Variants in FBXL13 observed in about 807,000 individuals in gnomAD.
FBXL13 encodes F-box and leucine rich repeat protein 13, also known as F-box and leucine-rich repeat protein 13.
Under a neutral mutation model 83.6 loss-of-function variants are expected in FBXL13, and 67 were observed. The observed-to-expected ratio is 0.80, with a 90% CI of 0.66 to 0.98. The LOEUF is 0.98. FBXL13 is among the 50% of genes least tolerant of loss of function. The pLI, the probability that FBXL13 is intolerant of heterozygous loss-of-function variation, is 0.00. For synonymous variants in FBXL13, 272 were observed against 299.5 expected (o/e 0.91, Z 0.95); for missense variants, 822 against 866.5 (o/e 0.95, Z 0.64).
intron 6 of FBXL13, among the ~76,000 whole-genome samples, chr7:103,020,433 C>G (rs1219862523): frequency 6.6e-6 from 1 of 152,202 alleles, no homozygotes; most frequent in African/African-American, 2.4e-5. Context: ...GATGTCCTCT[C>G]TCACCACTCC....
chr7:102,905,187 C>G (rs892434700), intron 11 of FBXL13, among the ~76,000 whole-genome samples: 2 of 151,144 alleles, frequency 1.3e-5, no homozygotes, highest in Non-Finnish European at 3.0e-5. Flanking sequence ...TCTGGAAGAT[C>G]TGTCCAATGC....
chr7:102,833,317 G>A (rs1313132565), intron 17 of FBXL13, among the ~76,000 whole-genome samples: 1 of 152,150 alleles, frequency 6.6e-6, no homozygotes, highest in African/African-American at 2.4e-5. Context: ...AAGATTGACA[G>A]TGGAATGTAA....
At chr7:102,881,934 T>C (rs898935199) in intron 14 of FBXL13, among the ~76,000 whole-genome samples, 11 of 152,094 alleles carry the variant, frequency 7.2e-5, no homozygotes, top group African/African-American at 2.7e-4. Flanking sequence ...CCATGCTGCC[T>C]CCCCATTTTA....
At position 102,956,179 on chromosome 7, in the gene FBXL13, T is replaced by A. The variant is rs561718063; in HGVS notation, c.724+7354A>T. On this transcript the variant is annotated intron_variant, in intron 8 of 19. Transcript: ENST00000313221. ...ATCCAGCAGCACATCAAAAAGCTTATCCACCACAATCAAGTTGGCTTCATC... is the reference window on the plus strand; with the variant it reads ...ATCCAGCAGCACATCAAAAAGCTTAACCACCACAATCAAGTTGGCTTCATC... 3.8e-4 allele frequency among the ~76,000 whole-genome samples: 58 copies of A among 152,228 alleles called. 2 individuals carry two copies. Among genetic ancestry groups the A allele is most frequent in the Non-Finnish European group, 6.8e-4 (46 of 68,016 alleles).
intron 2 of FBXL13, chr7:103,055,160 T>C (rs1797216514): frequency 7.8e-7 from 1 of 1,288,854 alleles, no homozygotes; most frequent in Non-Finnish European, 1.0e-6. Flanking sequence ...GTTTCATTGA[T>C]GGAGTAATGC....
At chr7:102,895,267 T>G (rs1312935589) in intron 11 of FBXL13, among the ~76,000 whole-genome samples, 63 of 152,216 alleles carry the variant, frequency 4.1e-4, no homozygotes, top group Non-Finnish European at 1.0e-4. Flanking sequence ...AAGTGCAAGT[T>G]AATGTGGTGA....
chr7:102,983,928 G>T (rs909542209), intron 6 of FBXL13, among the ~76,000 whole-genome samples: 1 of 152,154 alleles, frequency 6.6e-6, no homozygotes, highest in Admixed American at 6.5e-5. Flanking sequence ...TACTTGAGCT[G>T]GAAATTTGAA....
intron 6 of FBXL13, among the ~76,000 whole-genome samples, chr7:103,003,278 GTTTTT>G (rs563726626): frequency 9.2e-5 from 7 of 75,926 alleles, no homozygotes; most frequent in African/African-American, 3.9e-4. Flanking sequence ...TTGTTTTGGG[GTTTTT>G]TTTTTTTTTT....
At chr7:103,063,033 C>A (rs556515004) in intron 1 of FBXL13, among the ~76,000 whole-genome samples, 1 of 152,308 alleles carries the variant, frequency 6.6e-6, no homozygotes, top group Admixed American at 6.5e-5. Flanking sequence ...AATTAAGTTA[C>A]TTGTTTAACT....
At chr7:102,822,354 G>C in intron 18 of FBXL13, 151 bp from the exon 20 acceptor site, 1 of 789,160 alleles carries the variant, frequency 1.3e-6, no homozygotes. Flanking sequence ...AGGCTGGGAA[G>C]TCCAAGACTG....
chr7:103,056,236 A>C (rs1354287387), intron 1 of FBXL13, among the ~76,000 whole-genome samples: 1 of 152,148 alleles, frequency 6.6e-6, no homozygotes, highest in Non-Finnish European at 1.5e-5. Context: ...TGTGATATAT[A>C]TATCTCACAA....
chr7:102,835,305 G>GGA (rs201881123), intron 17 of FBXL13, among the ~76,000 whole-genome samples: 19,724 of 152,108 alleles, frequency 0.13, 1,348 homozygotes, highest in Middle Eastern at 0.25. Flanking sequence ...ACCTGTCACT[G>GGA]GAGATAATCA....
chr7:102,960,487 G>A (rs1420236538), intron 8 of FBXL13, among the ~76,000 whole-genome samples: 1 of 151,662 alleles, frequency 6.6e-6, no homozygotes, highest in East Asian at 1.9e-4. Context: ...CATTTTATGA[G>A]GCCAGCATCA....
At position 102,939,234 on chromosome 7, in the gene FBXL13, G is replaced by A. The variant is rs1352650244; in HGVS notation, c.725-7301C>T. The stretch of plus-strand genomic sequence containing the variant: ...GGCTTTCATCACAATTAGATGGGAA[G>A]TCACTGTAGGCTTTGCTGGGCTTTG... On this transcript the variant is annotated intron_variant, in intron 8 of 19. Coordinates refer to ENST00000313221, the Ensembl canonical transcript of FBXL13. Among the ~76,000 whole-genome samples the A allele has an allele frequency of 1.3e-5, 2 of 152,200 alleles. 1 individual carries two copies. The highest frequency in any genetic ancestry group is 3.9e-4 in the East Asian group (2 of 5,194).
chr7:102,882,124 A>G (rs1468334855), intron 14 of FBXL13, among the ~76,000 whole-genome samples: 1 of 152,074 alleles, frequency 6.6e-6, no homozygotes, highest in African/African-American at 2.4e-5. Flanking sequence ...GCTGGATATG[A>G]TGGAGTGTGC....
At chr7:102,898,751 T>C (rs1431438772) in intron 11 of FBXL13, among the ~76,000 whole-genome samples, 1 of 152,176 alleles carries the variant, frequency 6.6e-6, no homozygotes, top group Non-Finnish European at 1.5e-5. Context: ...CACAAGCATG[T>C]TGAAAGCAAC....
intron 11 of FBXL13, among the ~76,000 whole-genome samples, chr7:102,897,611 A>G (rs1812414096): frequency 6.6e-6 from 1 of 152,184 alleles, no homozygotes; most frequent in African/African-American, 2.4e-5. Context: ...TGAGTTCCAA[A>G]ATAAACAAAA....
chr7:102,925,648 T>C (rs1414495753), intron 10 of FBXL13, among the ~76,000 whole-genome samples: 1 of 151,994 alleles, frequency 6.6e-6, no homozygotes, highest in East Asian at 2.0e-4. Context: ...GGCATTCTAT[T>C]ATAAAGAGGT....
intron 2 of FBXL13, among the ~76,000 whole-genome samples, chr7:103,051,027 C>T (rs1461236779): frequency 6.6e-6 from 1 of 152,130 alleles, no homozygotes; most frequent in African/African-American, 2.4e-5. Flanking sequence ...AAGATTTTGT[C>T]ATTTCTCTAA....
Sources: allele counts gnomAD v4.1 joint callset (sites outside exome capture counted in the v4.1 genomes callset), GRCh38; gene constraint gnomAD v4.1.1; transcripts MANE v1.5; gene names NCBI Gene and HGNC (gene_info 2026-07-23, HGNC 2026-07-21).